Variants in CAMK2D observed in about 807,000 individuals in gnomAD.
CAMK2D encodes calcium/calmodulin dependent protein kinase II delta.
In CAMK2D, 37 loss-of-function variants were observed where a neutral mutation model predicts 84.0. The observed-to-expected ratio is 0.44, with a 90% CI of 0.34 to 0.58. CAMK2D has a LOEUF of 0.58. Ranked by LOEUF, CAMK2D falls within the 20% of genes least tolerant of loss-of-function variation. CAMK2D has a pLI of 0.02. For synonymous variants in CAMK2D, 202 were observed against 212.5 expected, an observed-to-expected ratio of 0.95 and a Z score of 0.43; for missense variants, 448 against 652.5, an observed-to-expected ratio of 0.69 and a Z score of 3.41.
chr4:113,500,498 C>T lies in CAMK2D; in HGVS notation c.1100G>A (p.Ser367Asn). 6.2e-7 allele frequency: 1 copy of T among 1,600,790 alleles called. No individual in the cohort carries two copies. The highest frequency in any genetic ancestry group is 1.7e-5 in the Admixed American group (1 of 59,152). ...NPDGNKESTE[S>N]SNTTIEDEDV... Reference sequence around the variant, plus strand: ...TTCATCCTCAATTGTTGTATTTGAACTCTCAGTTGACTCCTGATGAGAAGA... The same window carrying T: ...TTCATCCTCAATTGTTGTATTTGAATTCTCAGTTGACTCCTGATGAGAAGA... Residue 367 changes from serine to asparagine, a missense_variant, in exon 16 of 21, where the codon AGT (serine) becomes AAT (asparagine). Coordinates refer to ENST00000511664, the MANE Select transcript of CAMK2D (RefSeq NM_001321571.2).
At chr4:113,680,277 T>C (rs1418071486) in intron 2 of CAMK2D, among the ~76,000 whole-genome samples, 3 of 152,162 alleles carry the variant, frequency 2.0e-5, no homozygotes, top group African/African-American at 4.8e-5. Context: ...TCAGGAAGCA[T>C]GAGAAACAAC....
intron 16 of CAMK2D, among the ~76,000 whole-genome samples, chr4:113,500,075 C>T (rs1382295893): frequency 5.3e-5 from 8 of 152,092 alleles, no homozygotes; most frequent in Non-Finnish European, 7.4e-5. Flanking sequence ...TATACTGTAT[C>T]CTTGAATATA....
At chr4:113,491,885 C>G (rs13144493) in intron 16 of CAMK2D, among the ~76,000 whole-genome samples, 82,461 of 150,372 alleles carry the variant, frequency 0.55, 23,131 homozygotes, top group African/African-American at 0.67. Context: ...TGTATGTGTC[C>G]AGGAATTTAT....
chr4:113,683,083 A>G (rs1310106636), intron 2 of CAMK2D, among the ~76,000 whole-genome samples: 2 of 152,234 alleles, frequency 1.3e-5, no homozygotes, highest in African/African-American at 4.8e-5. Flanking sequence ...TCTAAATTAA[A>G]GTGAAGAGTG....
chr4:113,691,981 G>A (rs1269032070), intron 2 of CAMK2D, among the ~76,000 whole-genome samples: 1 of 152,138 alleles, frequency 6.6e-6, no homozygotes. Context: ...CAATACATGA[G>A]AAGAAGAAAG....
chr4:113,512,646 C>T (rs1308229702), intron 12 of CAMK2D, among the ~76,000 whole-genome samples: 2 of 152,300 alleles, frequency 1.3e-5, no homozygotes, highest in South Asian at 2.1e-4. Context: ...GATCTCTGCT[C>T]ACTACAACCT....
At chr4:113,711,953 T>C (rs1372825413) in intron 2 of CAMK2D, among the ~76,000 whole-genome samples, 2 of 152,146 alleles carry the variant, frequency 1.3e-5, no homozygotes, top group Non-Finnish European at 2.9e-5. Flanking sequence ...ATCTCTTAAG[T>C]AGAGCAGCCA....
chr4:113,497,640 C>T (rs2097957029), intron 16 of CAMK2D, among the ~76,000 whole-genome samples: 2 of 152,136 alleles, frequency 1.3e-5, no homozygotes, highest in Non-Finnish European at 2.9e-5. Flanking sequence ...GTGTTTAATC[C>T]CCTCCTCCAG....
intron 2 of CAMK2D, among the ~76,000 whole-genome samples, chr4:113,695,393 G>T (rs562503770): frequency 1.3e-5 from 2 of 151,732 alleles, no homozygotes; most frequent in Non-Finnish European, 2.9e-5. Flanking sequence ...CATATCCAAG[G>T]GTCAACTCTC....
chr4:113,517,062 T>C (rs962066353), intron 9 of CAMK2D, among the ~76,000 whole-genome samples: 1 of 151,866 alleles, frequency 6.6e-6, no homozygotes, highest in Non-Finnish European at 1.5e-5. Flanking sequence ...AATTTTTCAA[T>C]TGTGAAACTC....
chr4:113,672,001 T>C (rs1362190884), intron 2 of CAMK2D, among the ~76,000 whole-genome samples: 5 of 152,214 alleles, frequency 3.3e-5, no homozygotes, highest in Non-Finnish European at 5.9e-5. Context: ...ATTGCATACA[T>C]GTGAGGTGCT....
intron 16 of CAMK2D, among the ~76,000 whole-genome samples, chr4:113,491,648 T>C (rs1390828618): frequency 2.0e-5 from 3 of 152,196 alleles, no homozygotes; most frequent in African/African-American, 4.8e-5. Context: ...CAGAATGATG[T>C]TGGCCTCAAA....
Position 113,739,847 on chromosome 4 carries a change from G to A in CAMK2D, c.160+19473C>T, listed in dbSNP as rs1471384789. Among the ~76,000 whole-genome samples, 4 of 151,908 alleles carry A rather than the reference G, an allele frequency of 2.6e-5. No homozygotes were observed. The South Asian group carries it at 6.2e-4, about 24-fold the overall frequency. ...GGTACATGTTCAAGTTTGTTACAAA[G>A]ATATACTGTGTGATGCTGAGGTTTG... On this transcript the variant is annotated intron_variant, in intron 2 of 20. Coordinates refer to ENST00000511664, the MANE Select transcript of CAMK2D (RefSeq NM_001321571.2).
intron 16 of CAMK2D, among the ~76,000 whole-genome samples, chr4:113,493,817 T>C (rs2097883270): frequency 6.6e-6 from 1 of 151,678 alleles, no homozygotes; most frequent in Non-Finnish European, 1.5e-5. Context: ...CATAGTCCCA[T>C]ATTTCTTGGA....
intron 2 of CAMK2D, among the ~76,000 whole-genome samples, chr4:113,696,187 GACACACAGACACACAC>G (rs1172066060): frequency 1.5e-5 from 1 of 68,756 alleles, no homozygotes; most frequent in Non-Finnish European, 2.9e-5. Context: ...CAGACACACA[GACACACAGACACACAC>G]ACACACACAC....
At chr4:113,606,596 C>A (rs370255308) in intron 4 of CAMK2D, among the ~76,000 whole-genome samples, 1 of 151,718 alleles carries the variant, frequency 6.6e-6, no homozygotes, top group East Asian at 1.9e-4. Context: ...CAACAGACTA[C>A]GGGAAAACTA....
intron 3 of CAMK2D, among the ~76,000 whole-genome samples, chr4:113,636,730 C>T (rs755130537): frequency 6.6e-5 from 10 of 152,122 alleles, no homozygotes; most frequent in East Asian, 1.9e-4. Flanking sequence ...AAAACACTCA[C>T]GCTATCAAGG....
intron 16 of CAMK2D, among the ~76,000 whole-genome samples, chr4:113,488,482 T>C (rs2097787946): frequency 1.3e-5 from 2 of 152,166 alleles, no homozygotes; most frequent in Non-Finnish European, 1.5e-5. Context: ...GTTTCGATAA[T>C]GGAACAGTAG....
At chr4:113,703,679 A>C (rs565546108) in intron 2 of CAMK2D, among the ~76,000 whole-genome samples, 1 of 152,264 alleles carries the variant, frequency 6.6e-6, no homozygotes, top group East Asian at 1.9e-4. Context: ...GATTCTTTAA[A>C]ATCAAAATTT....
Sources: allele counts gnomAD v4.1 joint callset (sites outside exome capture counted in the v4.1 genomes callset), GRCh38; gene constraint gnomAD v4.1.1; transcripts MANE v1.5; gene names NCBI Gene and HGNC (gene_info 2026-07-23, HGNC 2026-07-21).